PRKCA: variants seen among roughly 807,000 people sequenced by gnomAD.
The protein encoded by PRKCA is protein kinase C alpha.
A neutral mutation model predicts 87.0 loss-of-function variants in PRKCA; 27 were observed. The ratio of observed to expected loss-of-function variants is 0.31; its 90% CI spans 0.23 to 0.43. PRKCA has a LOEUF of 0.43. Ranked by LOEUF, PRKCA falls within the 20% of genes least tolerant of loss-of-function variation. The pLI is 1.00. For missense variants in PRKCA, 518 were observed against 852.3 expected (o/e 0.61, Z 4.88); for synonymous variants, 329 against 311.1 (o/e 1.06, Z -0.61).
intron 5 of PRKCA, among the ~76,000 whole-genome samples, chr17:66,658,353 C>T: frequency 6.6e-6 from 1 of 152,068 alleles, no homozygotes; most frequent in South Asian, 2.1e-4. Context: ...TGGTGGCAGA[C>T]ACCTGTAATC....
At chr17:66,429,598 T>C (rs1912997096) in intron 2 of PRKCA, among the ~76,000 whole-genome samples, 1 of 152,104 alleles carries the variant, frequency 6.6e-6, no homozygotes, top group African/African-American at 2.4e-5. Context: ...CATTTTTTTT[T>C]CCAAATGAGG....
chr17:66,380,695 T>A (rs1028205848), intron 2 of PRKCA, among the ~76,000 whole-genome samples: 1 of 152,176 alleles, frequency 6.6e-6, no homozygotes, highest in Admixed American at 6.5e-5. Context: ...TTTTTATTGT[T>A]TTATAACATA....
At chr17:66,497,638 A>G (rs934685161) in intron 3 of PRKCA, among the ~76,000 whole-genome samples, 1 of 152,234 alleles carries the variant, frequency 6.6e-6, no homozygotes, top group Non-Finnish European at 1.5e-5. Context: ...TTAGAAGGGT[A>G]GACATTTCTG....
At chr17:66,556,130 C>A (rs1300701005) in intron 3 of PRKCA, among the ~76,000 whole-genome samples, 2 of 152,032 alleles carry the variant, frequency 1.3e-5, no homozygotes, top group Admixed American at 1.3e-4. Context: ...CTTTGAGCAT[C>A]GAGTTTCTGT....
chr17:66,308,381 A>G (rs1355268756), intron 2 of PRKCA, among the ~76,000 whole-genome samples: 4 of 150,472 alleles, frequency 2.7e-5, no homozygotes, highest in Non-Finnish European at 5.9e-5. Context: ...CTCCTGCATT[A>G]TGGGTGAGCT....
At chr17:66,378,629 A>G (rs1909610849) in intron 2 of PRKCA, among the ~76,000 whole-genome samples, 1 of 151,898 alleles carries the variant, frequency 6.6e-6, no homozygotes, top group South Asian at 2.1e-4. Context: ...GCTGGGCGTA[A>G]AGTCTCACGC....
chr17:66,396,713 C>G (rs993600526), intron 2 of PRKCA, among the ~76,000 whole-genome samples: 2 of 151,172 alleles, frequency 1.3e-5, no homozygotes, highest in Admixed American at 1.3e-4. Context: ...ACTGCAACCT[C>G]TGCCTTCTGG....
At chr17:66,381,031 C>G (rs1909749542) in intron 2 of PRKCA, among the ~76,000 whole-genome samples, 1 of 151,770 alleles carries the variant, frequency 6.6e-6, no homozygotes, top group Admixed American at 6.6e-5. Context: ...CCTTGAACTC[C>G]TGGGCTCAAG....
chr17:66,561,339 A>G (rs893185502), intron 3 of PRKCA, among the ~76,000 whole-genome samples: 4 of 152,232 alleles, frequency 2.6e-5, no homozygotes, highest in African/African-American at 9.6e-5. Context: ...AAACTCAACT[A>G]GAGTGCAGCT....
At position 66,343,663 on chromosome 17, in the gene PRKCA, G is replaced by C. The variant is rs574271393; in HGVS notation, c.205+37536G>C. ...AGGAGGTGGGGAGGTGGACTTAAGA[G>C]GCTGTACTTGAAAAATGGACTAGAC... On this transcript the variant is annotated intron_variant, in intron 2 of 16. Coordinates refer to ENST00000413366, the MANE Select transcript of PRKCA (RefSeq NM_002737.3). 2.6e-5 allele frequency among the ~76,000 whole-genome samples: 4 copies of C among 152,178 alleles called. No individual in the cohort carries two copies. The East Asian group carries it at 7.7e-4, about 29-fold the overall frequency.
chr17:66,482,361 C>A (rs1228395842), intron 2 of PRKCA, among the ~76,000 whole-genome samples: 7 of 152,166 alleles, frequency 4.6e-5, no homozygotes, highest in Non-Finnish European at 2.9e-5. Flanking sequence ...GAATCATGAG[C>A]TCACTCGCTG....
intron 5 of PRKCA, among the ~76,000 whole-genome samples, chr17:66,680,902 C>T (rs1972472860): frequency 6.6e-6 from 1 of 152,166 alleles, no homozygotes; most frequent in Non-Finnish European, 1.5e-5. Context: ...TCCACCCCAC[C>T]ATTTATGCTA....
intron 2 of PRKCA, among the ~76,000 whole-genome samples, chr17:66,338,458 CG>C (rs1906842443): frequency 6.6e-6 from 1 of 152,078 alleles, no homozygotes; most frequent in South Asian, 2.1e-4. Flanking sequence ...AAGGCTGGCA[CG>C]GGGAACATCT....
chr17:66,755,770 A>C (rs1268925174), intron 13 of PRKCA, among the ~76,000 whole-genome samples: 1 of 152,150 alleles, frequency 6.6e-6, no homozygotes, highest in Non-Finnish European at 1.5e-5. Context: ...TGGACTGGAA[A>C]ATCAACAATT....
intron 2 of PRKCA, among the ~76,000 whole-genome samples, chr17:66,365,405 AG>A (rs1268503888): frequency 6.6e-6 from 1 of 152,158 alleles, no homozygotes; most frequent in East Asian, 1.9e-4. Context: ...AGATGACCCA[AG>A]CCCTGGACTA....
chr17:66,407,786 G>T (rs1911504349), intron 2 of PRKCA, among the ~76,000 whole-genome samples: 1 of 151,932 alleles, frequency 6.6e-6, no homozygotes, highest in South Asian at 2.1e-4. Flanking sequence ...GTATTTTATG[G>T]TTCATTAACA....
chr17:66,364,756 G>A (rs556817315), intron 2 of PRKCA, among the ~76,000 whole-genome samples: 1 of 152,258 alleles, frequency 6.6e-6, no homozygotes, highest in East Asian at 1.9e-4. Context: ...CACATTAATG[G>A]ATTCACTCAG....
intron 3 of PRKCA, among the ~76,000 whole-genome samples, chr17:66,589,026 A>C (rs542760272): frequency 6.6e-6 from 1 of 152,212 alleles, no homozygotes; most frequent in South Asian, 2.1e-4. Flanking sequence ...GACTTTAGTA[A>C]CAAGTTGCTG....
chr17:66,578,657 C>T (rs1969318616), intron 3 of PRKCA, among the ~76,000 whole-genome samples: 1 of 152,250 alleles, frequency 6.6e-6, no homozygotes, highest in South Asian at 2.1e-4. Context: ...AAGAAGTAGC[C>T]CTGTCTTGGA....
Sources: gnomAD v4.1 joint callset for allele counts (sites outside exome capture counted in the v4.1 genomes callset) on GRCh38, gnomAD v4.1.1 for gene constraint, MANE v1.5 for transcripts, NCBI Gene and HGNC (gene_info 2026-07-23, HGNC 2026-07-21) for gene names.